The following MYO19 variants were observed in gnomAD, a reference collection of about 807,000 sequenced individuals.
MYO19 encodes the protein unconventional myosin-XIX.
In MYO19, 132 loss-of-function variants were observed where a neutral mutation model predicts 129.2. The observed-to-expected ratio is 1.02, with a 90% CI of 0.89 to 1.18. The LOEUF (loss-of-function observed/expected upper bound fraction) is 1.18, where lower values mean the gene tolerates loss of function less well. Among genes scored for constraint, MYO19 ranks in the 50% most tolerant of loss-of-function variants. The pLI is 0.00. For synonymous variants in MYO19, 531 were observed against 477.2 expected (o/e 1.11, Z -1.47); for missense variants, 1,210 against 1,216.7 (o/e 0.99, Z 0.08).
Position 36,506,484 on chromosome 17 carries a change from G to A in MYO19, c.1769C>T (p.Pro590Leu). Reference sequence around the variant, plus strand: ...GAACTTGGACACCACGGTCAACACAGGGGCCCTGCTCTGGCCAGGGGGTTC... The same window carrying A: ...GAACTTGGACACCACGGTCAACACAAGGGCCCTGCTCTGGCCAGGGGGTTC... ...QEEPPGQSRAPVLTVVSKFKA... is the reference protein window; with the variant it reads ...QEEPPGQSRALVLTVVSKFKA... Residue 590 changes from proline to leucine, a missense_variant, in exon 18 of 26, where the codon CCT becomes CTT. Transcript: ENST00000614623. The A allele has an allele frequency of 6.2e-7, 1 of 1,613,718 alleles. No individual in the cohort carries two copies. The highest frequency in any genetic ancestry group is 8.5e-7 in the Non-Finnish European group (1 of 1,179,752).
chr17:36,508,155 A>G, intron 14 of MYO19: 1 of 384,962 alleles, frequency 2.6e-6, no homozygotes, highest in Non-Finnish European at 4.6e-6. Flanking sequence ...GCAAGCAGGA[A>G]ACCCAAATGA....
Position 36,498,502 on chromosome 17 carries a change from A to G in MYO19, c.2521T>C (p.Ser841Pro). The G allele has an allele frequency of 6.2e-7, 1 of 1,614,070 alleles. No individual in the cohort carries two copies. Among genetic ancestry groups the G allele is most frequent in the African/African-American group, 1.3e-5 (1 of 75,062 alleles). ...ELDGVEEKHFSQAPCSLSTSP... is the reference protein window; with the variant it reads ...ELDGVEEKHFPQAPCSLSTSP... ...GTGCTCAGGGAACAGGGAGCTTGAG[A>G]GAAGTGTTTTTCTTCCACACCATCC... Residue 841 changes from serine (S) to proline (P), a missense_variant, in exon 25 of 26, where the codon TCT becomes CCT. Ser to Pro is a moderately conservative substitution (Grantham distance 74). Transcript: ENST00000614623.
upstream of MYO19, chr17:36,537,723 C>T: frequency 6.2e-7 from 1 of 1,614,064 alleles, no homozygotes; most frequent in Non-Finnish European, 8.5e-7. Flanking sequence ...CTCTGTTTGG[C>T]CATTAGTCTT....
At position 36,498,282 on chromosome 17, in the gene MYO19, A is replaced by G; in HGVS notation, c.2741T>C (p.Ile914Thr). ...ACAACGTACCTGAGGCAGCGCTCGGATGGACGTGACACCAGCCTGGTCTTG... is the reference window on the plus strand; with the variant it reads ...ACAACGTACCTGAGGCAGCGCTCGGGTGGACGTGACACCAGCCTGGTCTTG... ...TAQDQAGVTSIRALPQGSIKF... is the reference protein window; with the variant it reads ...TAQDQAGVTSTRALPQGSIKF... Residue 914 changes from isoleucine (I) to threonine (T), a missense_variant, in exon 25 of 26, where the codon ATC becomes ACC. Transcript: ENST00000614623. The G allele has an allele frequency of 2.5e-6, 4 of 1,612,202 alleles. No individual in the cohort carries two copies. The highest frequency in any genetic ancestry group is 1.3e-5 in the African/African-American group (1 of 75,026).
intron 25 of MYO19, among the ~76,000 whole-genome samples, chr17:36,496,778 C>T (rs1052444701): frequency 3.9e-5 from 6 of 152,136 alleles, no homozygotes; most frequent in African/African-American, 1.4e-4. Flanking sequence ...TCACTTACTC[C>T]TTGCTGTGAC....
chr17:36,496,231 G>A lies in MYO19; in HGVS notation c.*20C>T, dbSNP rs1301119386. 1 of 1,612,690 alleles carries A rather than the reference G, an allele frequency of 6.2e-7. No individual in the cohort carries two copies. Among genetic ancestry groups the A allele is most frequent in the African/African-American group, 1.3e-5 (1 of 74,884 alleles). On this transcript the variant is annotated 3_prime_UTR_variant, in exon 26 of 26. Transcript: ENST00000614623. The stretch of plus-strand genomic sequence containing the variant: ...GGCAGGGGGCAGGAAAAGGCCTTGT[G>A]GAAACAAAGGCACCAAGGATCACCC...
intron 6 of MYO19, among the ~76,000 whole-genome samples, chr17:36,517,638 CCTT>C (rs1416005772): frequency 6.6e-6 from 1 of 151,912 alleles, no homozygotes; most frequent in African/African-American, 2.4e-5. Flanking sequence ...TTACTTTTTC[CCTT>C]CTTCTGCATA....
In MYO19 at chr17:36,498,279, CGGAT is replaced by C. The variant is rs768350186; in HGVS notation, c.2740_2743del (p.Ile914GlufsTer8). 1 of 1,611,832 alleles carries C rather than the reference CGGAT, an allele frequency of 6.2e-7. No individual in the cohort carries two copies. Among genetic ancestry groups the C allele is most frequent in the African/African-American group, 1.3e-5 (1 of 75,042 alleles). ...CACACAACGTACCTGAGGCAGCGCT[CGGAT>C]GGACGTGACACCAGCCTGGTCTTGT... is the stretch of plus-strand genomic sequence containing the variant. On this transcript the variant is annotated frameshift_variant, in exon 25 of 26. Transcript: ENST00000614623. LOFTEE classifies it high-confidence loss of function.
At chr17:36,533,316 G>A (rs951193028) in intron 2 of MYO19, 1 of 152,240 alleles carries the variant, frequency 6.6e-6, no homozygotes, top group African/African-American at 2.4e-5. Flanking sequence ...ATCCATTTGG[G>A]AGCGCTAATC....
intron 6 of MYO19, 45 bp from the exon 7 acceptor site, chr17:36,516,035 C>A (rs768459068): frequency 3.6e-5 from 57 of 1,566,286 alleles, no homozygotes; most frequent in Non-Finnish European, 4.6e-5. Flanking sequence ...ATGCTCCCGC[C>A]CACTTCTGAG....
chr17:36,536,869 T>C (rs1177930199), upstream of MYO19, among the ~76,000 whole-genome samples: 2 of 152,210 alleles, frequency 1.3e-5, no homozygotes, highest in African/African-American at 4.8e-5. Context: ...TGAAGCTTTG[T>C]AACCAATAAT....
rs755841026 is a variant in MYO19 at position 36,501,111 on chromosome 17, G to A, written c.2205C>T (p.Pro735=). ...ACACCTTGGTCCTGCCACAGTGCAT[G>A]GGGGCTGGCATGGCCTCAGCCGAGT... ...TGDSAEAMPA[P]MHCGRTKVFM... Residue 735 remains proline, a synonymous_variant, in exon 22 of 26, where the codon CCC becomes CCT. Transcript: ENST00000614623. 3 of 1,613,996 alleles carry A rather than the reference G, an allele frequency of 1.9e-6. No individual in the cohort carries two copies. The highest frequency in any genetic ancestry group is 1.7e-5 in the Admixed American group (1 of 60,020).
chr17:36,520,573 C>T (rs1489194553), intron 6 of MYO19, among the ~76,000 whole-genome samples: 2 of 152,092 alleles, frequency 1.3e-5, no homozygotes, highest in Admixed American at 1.3e-4. Flanking sequence ...ACTTCCACTA[C>T]CTCTGCCACC....
chr17:36,506,331 G>C, intron 18 of MYO19, 125 bp downstream of exon 18: 1 of 1,159,844 alleles, frequency 8.6e-7, no homozygotes, highest in East Asian at 2.3e-5. Context: ...AGGGGACTGG[G>C]ACCACATCTA....
intron 25 of MYO19, chr17:36,498,024 A>G: frequency 1.9e-6 from 1 of 516,938 alleles, no homozygotes; most frequent in Middle Eastern, 5.1e-4. Flanking sequence ...TAGAAGATTT[A>G]GAGATGCTGA....
At chr17:36,532,759 T>A in intron 2 of MYO19, 78 bp from the exon 3 acceptor site, 1 of 607,238 alleles carries the variant, frequency 1.6e-6, no homozygotes, top group Non-Finnish European at 2.9e-6. Context: ...CCTTCCCACC[T>A]AGCAGAAGCA....
chr17:36,538,494 A>C, upstream of MYO19: 1 of 1,613,934 alleles, frequency 6.2e-7, no homozygotes, highest in Non-Finnish European at 8.5e-7. Context: ...GATCAACCTG[A>C]TGGTAGATAC....
rs1453448700 is a variant in MYO19, at chr17:36,515,168, G to A, written c.562C>T (p.Leu188=). ...AAGCGACTGCTGTTGTTATTCCTCA[G>A]TGTACACGCATTCCCTACAGATCAC... ...VMEAFGNACT[L]RNNNSSRFGK... Residue 188 remains leucine (L), a synonymous_variant, in exon 8 of 26, where the codon CTG becomes TTG. Transcript: ENST00000614623. The A allele has an allele frequency of 5.0e-6, 8 of 1,612,778 alleles. No homozygotes were observed. The highest frequency in any genetic ancestry group is 5.9e-6 in the Non-Finnish European group (7 of 1,179,462).
At chr17:36,540,613 C>T (rs1034054575) in intron 2 of MYO19, among the ~76,000 whole-genome samples, 9 of 152,106 alleles carry the variant, frequency 5.9e-5, no homozygotes, top group Middle Eastern at 3.2e-3. Context: ...TCAAGTGATC[C>T]GCCCACCTTG....
Sources: gnomAD v4.1 joint callset for allele counts (sites outside exome capture counted in the v4.1 genomes callset) on GRCh38, gnomAD v4.1.1 for gene constraint, MANE v1.5 for transcripts, NCBI Gene and HGNC (gene_info 2026-07-23, HGNC 2026-07-21) for gene names.